Variants in ADAMTSL3 observed in about 807,000 individuals in gnomAD.
ADAMTSL3 encodes ADAMTS like 3, also known as ADAMTS-like protein 3.
Under a neutral mutation model 201.7 loss-of-function variants are expected in ADAMTSL3, and 128 were observed. The ratio of observed to expected loss-of-function variants is 0.63; its 90% CI spans 0.55 to 0.73. The LOEUF is 0.73. ADAMTSL3 is among the 30% of genes least tolerant of loss of function. The probability of loss-of-function intolerance (pLI) is 0.00; values close to 1 mark genes in which losing one functional copy is unlikely to be tolerated. For missense variants in ADAMTSL3, 1,990 were observed against 2,119.6 expected, an observed-to-expected ratio of 0.94 and a Z score of 1.20; for synonymous variants, 738 against 748.4, an observed-to-expected ratio of 0.99 and a Z score of 0.23.
intron 27 of ADAMTSL3, among the ~76,000 whole-genome samples, chr15:84,027,800 G>C (rs1489058999): frequency 1.3e-5 from 2 of 152,090 alleles, no homozygotes; most frequent in Non-Finnish European, 2.9e-5. Context: ...TAACCACAAT[G>C]TCATTAAGTA....
chr15:83,959,421 A>G (rs927797509), intron 19 of ADAMTSL3, among the ~76,000 whole-genome samples: 1 of 152,212 alleles, frequency 6.6e-6, no homozygotes, highest in African/African-American at 2.4e-5. Flanking sequence ...AAAAAAGGAC[A>G]TATTCTACTA....
rs529562953 is a variant in ADAMTSL3 at position 83,745,371 on chromosome 15, C to T, written c.190-28152C>T. Among the ~76,000 whole-genome samples, 11 of 152,284 alleles carry T rather than the reference C, an allele frequency of 7.2e-5. No individual in the cohort carries two copies. In the South Asian group the frequency reaches 1.7e-3, roughly 23 times the overall value. On this transcript the variant is annotated intron_variant, in intron 3 of 29. Transcript: ENST00000286744. ...CATGCTGACCCTCTGTCCTCATTAG[C>T]GGAGAGCAACCACCTCACATGAAAA... is the stretch of plus-strand genomic sequence containing the variant.
Position 83,983,362 on chromosome 15 carries a change from GC to G in ADAMTSL3, c.3716+19del. 1 of 1,447,618 alleles carries G rather than the reference GC, an allele frequency of 6.9e-7. No individual in the cohort carries two copies. Among genetic ancestry groups the G allele is most frequent in the Non-Finnish European group, 9.2e-7 (1 of 1,091,462 alleles). The allele number at this position is 1,447,618 out of a possible 1,614,324, so 89.7% of individuals were successfully genotyped here. ...TCAGTAAAGTAAGTAAAATAAAAAT[GC>G]AGTATTCATTTTTGCACTACCTTCT... is the stretch of plus-strand genomic sequence containing the variant. On this transcript the variant is annotated intron_variant, in intron 21 of 29. Coordinates refer to ENST00000286744, the MANE Select transcript of ADAMTSL3 (RefSeq NM_207517.3).
chr15:83,915,419 T>C (rs1337173300), intron 16 of ADAMTSL3, among the ~76,000 whole-genome samples: 2 of 152,138 alleles, frequency 1.3e-5, no homozygotes, highest in African/African-American at 4.8e-5. Context: ...TACTAGAATC[T>C]ACCTTGTGTT....
intron 4 of ADAMTSL3, among the ~76,000 whole-genome samples, chr15:83,782,224 C>G (rs892558584): frequency 3.3e-5 from 5 of 152,166 alleles, no homozygotes; most frequent in African/African-American, 9.7e-5. Flanking sequence ...TGCCTGTAAT[C>G]CCAGCACTTT....
intron 4 of ADAMTSL3, among the ~76,000 whole-genome samples, chr15:83,801,659 T>TAAATATAA (rs1567154055): frequency 1.3e-4 from 5 of 39,812 alleles, no homozygotes; most frequent in African/African-American, 4.7e-4. Flanking sequence ...TAAATATATA[T>TAAATATAA]ATATATATAT....
chr15:83,663,881 G>A (rs1269070250), intron 2 of ADAMTSL3, among the ~76,000 whole-genome samples: 2 of 152,210 alleles, frequency 1.3e-5, no homozygotes, highest in Non-Finnish European at 2.9e-5. Flanking sequence ...TGTGTTGCCT[G>A]TGATCCCGGC....
chr15:83,911,770 T>C (rs1231526924), intron 15 of ADAMTSL3, among the ~76,000 whole-genome samples: 3 of 152,210 alleles, frequency 2.0e-5, no homozygotes, highest in Non-Finnish European at 4.4e-5. Context: ...GTTGGATGAC[T>C]CTGTGAGAAC....
At chr15:83,914,855 TTGTTTG>T (rs761948712) in intron 16 of ADAMTSL3, among the ~76,000 whole-genome samples, 23,366 of 65,952 alleles carry the variant, frequency 0.35, 2,049 homozygotes, top group Middle Eastern at 0.49. Flanking sequence ...TTGGTTTTGT[TTGTTTG>T]TTTGTTTGTT....
intron 3 of ADAMTSL3, among the ~76,000 whole-genome samples, chr15:83,743,763 A>G (rs1379399675): frequency 6.6e-6 from 1 of 152,176 alleles, no homozygotes; most frequent in Non-Finnish European, 1.5e-5. Flanking sequence ...GATTGGATGA[A>G]GATATTTAAA....
At chr15:83,769,780 A>G (rs1431802702) in intron 3 of ADAMTSL3, among the ~76,000 whole-genome samples, 1 of 143,338 alleles carries the variant, frequency 7.0e-6, no homozygotes, top group African/African-American at 2.6e-5. Flanking sequence ...TTTTAATTTA[A>G]TTTTTCTTTT....
At chr15:83,709,296 C>A (rs1054160807) in intron 3 of ADAMTSL3, among the ~76,000 whole-genome samples, 1 of 152,168 alleles carries the variant, frequency 6.6e-6, no homozygotes, top group Non-Finnish European at 1.5e-5. Flanking sequence ...ATTGGATGGG[C>A]ACATTCTTAG....
In ADAMTSL3 at chr15:83,982,581, G is replaced by T. The variant is rs990498948; in HGVS notation, c.2953G>T (p.Gly985Cys). Residue 985 changes from glycine (G) to cysteine (C), a missense_variant, in exon 21 of 30, where the codon GGC (glycine) becomes TGC (cysteine). Gly to Cys is a radical substitution (Grantham distance 159). Coordinates refer to ENST00000286744, the MANE Select transcript of ADAMTSL3 (RefSeq NM_207517.3). Reference sequence around the variant, plus strand: ...CATCGGCGTGTACCGGTGCATTGCAGGCTCTGCACAGGAAACAGTTGTGCT... The same window carrying T: ...CATCGGCGTGTACCGGTGCATTGCATGCTCTGCACAGGAAACAGTTGTGCT... ...PDIGVYRCIA[G>C]SAQETVVLKL... 2 of 1,614,174 alleles carry T rather than the reference G, an allele frequency of 1.2e-6. No homozygotes were observed. The highest frequency in any genetic ancestry group is 1.7e-5 in the Admixed American group (1 of 60,024).
intron 4 of ADAMTSL3, among the ~76,000 whole-genome samples, chr15:83,794,106 A>G (rs1265779573): frequency 6.6e-6 from 1 of 152,258 alleles, no homozygotes; most frequent in Non-Finnish European, 1.5e-5. Flanking sequence ...TAAAACTGCA[A>G]TAAGATATCA....
intron 4 of ADAMTSL3, among the ~76,000 whole-genome samples, chr15:83,800,524 C>T (rs113300024): frequency 2.6e-5 from 4 of 152,188 alleles, no homozygotes; most frequent in African/African-American, 9.6e-5. Flanking sequence ...TCTTTTCTTA[C>T]CTTTTAGTTT....
Position 83,841,287 on chromosome 15 carries a change from TGAG to T in ADAMTSL3, c.727+3075_727+3077del, listed in dbSNP as rs1280313214. Among the ~76,000 whole-genome samples the T allele has an allele frequency of 3.3e-5, 5 of 152,180 alleles. No individual in the cohort carries two copies. In the South Asian group the frequency reaches 8.3e-4, roughly 25 times the overall value. On this transcript the variant is annotated intron_variant, in intron 7 of 29. Transcript: ENST00000286744. The stretch of plus-strand genomic sequence containing the variant: ...GATAATGTCCTGCCTATTTTACAGA[TGAG>T]GAAACTAAGGATGAGAAATGTTAAG...
chr15:83,935,428 A>C (rs1333573513), intron 17 of ADAMTSL3, among the ~76,000 whole-genome samples: 1 of 152,164 alleles, frequency 6.6e-6, no homozygotes, highest in East Asian at 1.9e-4. Flanking sequence ...AATGATAAAA[A>C]GGACTTCATG....
intron 9 of ADAMTSL3, among the ~76,000 whole-genome samples, chr15:83,878,760 TTTGC>T (rs1457938234): frequency 6.8e-6 from 1 of 148,000 alleles, no homozygotes; most frequent in African/African-American, 2.5e-5. Context: ...AAGGAAAGGG[TTTGC>T]TTGTTTGTTT....
chr15:83,834,560 G>A (rs1402843727), intron 6 of ADAMTSL3, among the ~76,000 whole-genome samples: 3 of 152,130 alleles, frequency 2.0e-5, no homozygotes, highest in South Asian at 2.1e-4. Context: ...ATTTGGACTA[G>A]TGCCACTTAT....
Sources: allele counts gnomAD v4.1 joint callset (sites outside exome capture counted in the v4.1 genomes callset), GRCh38; gene constraint gnomAD v4.1.1; transcripts MANE v1.5; gene names NCBI Gene and HGNC (gene_info 2026-07-23, HGNC 2026-07-21).